The following LRP1B variants were observed in gnomAD, a reference collection of about 807,000 sequenced individuals.
LRP1B encodes the protein LDL receptor related protein 1B, also known as low-density lipoprotein receptor-related protein 1B.
LRP1B carries 217 observed loss-of-function variants against 556.6 expected under a neutral mutation model. The observed-to-expected ratio is 0.39, with a 90% CI of 0.35 to 0.44. The LOEUF (loss-of-function observed/expected upper bound fraction) is 0.44, where lower values mean the gene tolerates loss of function less well. Ranked by LOEUF, LRP1B falls within the 20% of genes least tolerant of loss-of-function variation. The probability of loss-of-function intolerance (pLI) is 1.00; values close to 1 mark genes in which losing one functional copy is unlikely to be tolerated. For missense variants in LRP1B, 5,053 were observed against 5,620.8 expected (o/e 0.90, Z 3.23); for synonymous variants, 2,047 against 1,865.8 (o/e 1.10, Z -2.50).
In LRP1B at chr2:140,817,286, A is replaced by C. The variant is rs539858675; in HGVS notation, c.5210-3480T>G. Among the ~76,000 whole-genome samples the C allele has an allele frequency of 1.6e-3, 244 of 152,196 alleles. 2 individuals are homozygous for C. Among genetic ancestry groups the C allele is most frequent in the African/African-American group, 5.4e-3 (225 of 41,582 alleles). On this transcript the variant is annotated intron_variant, in intron 31 of 90. Coordinates refer to ENST00000389484, the MANE Select transcript of LRP1B (RefSeq NM_018557.3). ...AAATCATCTGAATCTGGCTATCAAA[A>C]GAGGAAATCTAGATCCAATAACATA...
intron 43 of LRP1B, among the ~76,000 whole-genome samples, chr2:140,559,691 T>C (rs192200053): frequency 6.6e-6 from 1 of 151,270 alleles, no homozygotes; most frequent in Admixed American, 6.6e-5. Flanking sequence ...CAAATAAAAA[T>C]AGTTTTAGAT....
chr2:141,165,521 T>C (rs1018883741), intron 7 of LRP1B, among the ~76,000 whole-genome samples: 1 of 152,142 alleles, frequency 6.6e-6, no homozygotes, highest in Non-Finnish European at 1.5e-5. Flanking sequence ...TATTTGTCTC[T>C]TAAAAGCTCA....
intron 18 of LRP1B, among the ~76,000 whole-genome samples, chr2:140,964,664 G>A: frequency 6.6e-6 from 1 of 151,118 alleles, no homozygotes. Flanking sequence ...ATTGAGTGAG[G>A]ATTATCATAA....
intron 7 of LRP1B, among the ~76,000 whole-genome samples, chr2:141,081,275 G>A (rs1699915902): frequency 6.6e-6 from 1 of 152,098 alleles, no homozygotes; most frequent in Non-Finnish European, 1.5e-5. Flanking sequence ...ATCCTCTGGG[G>A]GTCCTGGGCT....
chr2:142,053,277 T>C (rs1704535125), intron 1 of LRP1B, among the ~76,000 whole-genome samples: 2 of 152,174 alleles, frequency 1.3e-5, no homozygotes, highest in African/African-American at 4.8e-5. Context: ...TTAGCTATTT[T>C]ACTTTAAAAA....
At chr2:141,021,443 T>G (rs1431461739) in intron 11 of LRP1B, among the ~76,000 whole-genome samples, 1 of 152,026 alleles carries the variant, frequency 6.6e-6, no homozygotes, top group Non-Finnish European at 1.5e-5. Flanking sequence ...TATAAGTAAT[T>G]TTCATAGGTT....
At chr2:142,052,099 AAAC>A (rs1236172432) in intron 1 of LRP1B, among the ~76,000 whole-genome samples, 4 of 152,256 alleles carry the variant, frequency 2.6e-5, no homozygotes, top group East Asian at 3.9e-4. Flanking sequence ...TTGAAAAATC[AAAC>A]AACTAAAAAT....
intron 1 of LRP1B, among the ~76,000 whole-genome samples, chr2:142,059,230 T>C (rs1704800504): frequency 6.6e-6 from 1 of 152,106 alleles, no homozygotes; most frequent in Admixed American, 6.6e-5. Context: ...GTGGGAATGG[T>C]TACACCACTC....
chr2:141,087,197 G>GGTGTATTACT (rs1156741437), intron 7 of LRP1B, among the ~76,000 whole-genome samples: 446 of 35,276 alleles, frequency 0.013, 2 homozygotes, highest in Non-Finnish European at 0.02. Flanking sequence ...TGAGTATTAT[G>GGTGTATTACT]CTGGTACCCA....
At chr2:141,709,837 C>T (rs1402056081) in intron 2 of LRP1B, among the ~76,000 whole-genome samples, 1 of 152,014 alleles carries the variant, frequency 6.6e-6, no homozygotes, top group Admixed American at 6.6e-5. Context: ...GATTGGCTGG[C>T]TTATAAGTAA....
intron 3 of LRP1B, among the ~76,000 whole-genome samples, chr2:141,315,721 A>G (rs1044798160): frequency 6.6e-6 from 1 of 151,912 alleles, no homozygotes; most frequent in African/African-American, 2.4e-5. Context: ...GATCATTCAC[A>G]TCTGATCAGA....
chr2:141,123,992 C>T (rs1372479462), intron 7 of LRP1B, among the ~76,000 whole-genome samples: 1 of 151,894 alleles, frequency 6.6e-6, no homozygotes, highest in African/African-American at 2.4e-5. Flanking sequence ...ATGAATATGT[C>T]TAATTTTTTA....
At chr2:140,691,027 A>G (rs2105398776) in intron 41 of LRP1B, among the ~76,000 whole-genome samples, 1 of 152,328 alleles carries the variant, frequency 6.6e-6, no homozygotes, top group South Asian at 2.1e-4. Context: ...AATTAAAACT[A>G]TATGCATTCT....
At chr2:141,065,927 C>T (rs1265125713) in intron 7 of LRP1B, among the ~76,000 whole-genome samples, 1 of 151,868 alleles carries the variant, frequency 6.6e-6, no homozygotes, top group African/African-American at 2.4e-5. Flanking sequence ...CAGCCCTATG[C>T]CCCATTCCCT....
At chr2:140,399,088 C>A (rs1288545675) in intron 66 of LRP1B, among the ~76,000 whole-genome samples, 2 of 151,768 alleles carry the variant, frequency 1.3e-5, no homozygotes, top group Admixed American at 6.6e-5. Context: ...CTTTCTTTTT[C>A]TTTAACATTT....
At chr2:140,405,607 G>A (rs181922663) in intron 66 of LRP1B, among the ~76,000 whole-genome samples, 2 of 152,248 alleles carry the variant, frequency 1.3e-5, no homozygotes, top group African/African-American at 2.4e-5. Context: ...TAGAGGAAAT[G>A]CATAAATTCC....
intron 1 of LRP1B, among the ~76,000 whole-genome samples, chr2:141,886,996 T>C (rs1048040669): frequency 1.3e-5 from 2 of 150,184 alleles, no homozygotes; most frequent in Non-Finnish European, 3.0e-5. Context: ...TTTGTTTGTT[T>C]GTTTTGTTTG....
At chr2:142,114,929 T>C (rs1410983132) in intron 1 of LRP1B, among the ~76,000 whole-genome samples, 1 of 152,122 alleles carries the variant, frequency 6.6e-6, no homozygotes, top group East Asian at 1.9e-4. Flanking sequence ...AATAAATGTT[T>C]GAGGTGATAA....
At chr2:142,117,504 T>G (rs1263901093) in intron 1 of LRP1B, among the ~76,000 whole-genome samples, 2 of 152,108 alleles carry the variant, frequency 1.3e-5, no homozygotes, top group East Asian at 1.9e-4. Flanking sequence ...TCTACTGATA[T>G]CGGCAACTCA....
Sources: gnomAD v4.1 joint callset for allele counts (sites outside exome capture counted in the v4.1 genomes callset) on GRCh38, gnomAD v4.1.1 for gene constraint, MANE v1.5 for transcripts, NCBI Gene and HGNC (gene_info 2026-07-23, HGNC 2026-07-21) for gene names.